The following LRP2BP variants were observed in gnomAD, a reference collection of about 807,000 sequenced individuals.
The protein encoded by LRP2BP is LRP2-binding protein.
In LRP2BP, 38 loss-of-function variants were observed where a neutral mutation model predicts 45.2. The observed-to-expected ratio is 0.84, with a 90% CI of 0.65 to 1.10. LRP2BP has a LOEUF of 1.10. Among genes scored for constraint, LRP2BP ranks in the 50% least tolerant of loss-of-function variants. The pLI, the probability that LRP2BP is intolerant of heterozygous loss-of-function variation, is 0.00. For synonymous variants in LRP2BP, 153 were observed against 153.9 expected, an observed-to-expected ratio of 0.99 and a Z score of 0.04; for missense variants, 385 against 418.9, an observed-to-expected ratio of 0.92 and a Z score of 0.71.
rs2095435197 is a variant in LRP2BP, at chr4:185,375,732, A to G, written c.217-6T>C. 1 of 1,541,956 alleles carries G rather than the reference A, an allele frequency of 6.5e-7. No homozygotes were observed. Among genetic ancestry groups the G allele is most frequent in the African/African-American group, 1.4e-5 (1 of 72,818 alleles). ...AATGCTTCTTCATACCATCCCTAGA[A>G]GCACCCAGAAGATATTTAATTATTT... On this transcript the variant is annotated splice_polypyrimidine_tract_variant and splice_region_variant and intron_variant, in intron 3 of 8. Transcript: ENST00000505916.
intron 2 of LRP2BP, 71 bp downstream of exon 2, chr4:185,378,010 C>G (rs117912453): frequency 1.7e-6 from 2 of 1,206,004 alleles, no homozygotes; most frequent in East Asian, 2.4e-5. Context: ...TTTCTTGTCT[C>G]GTTTGCTCTA....
At chr4:185,383,576 A>G (rs921587033) in intron 1 of LRP2BP, among the ~76,000 whole-genome samples, 6 of 152,222 alleles carry the variant, frequency 3.9e-5, no homozygotes, top group Admixed American at 3.3e-4. Flanking sequence ...GGCAGGCCCG[A>G]GGCTGCCATC....
chr4:185,387,032 G>A (rs1242332236), intron 1 of LRP2BP, among the ~76,000 whole-genome samples: 2 of 152,226 alleles, frequency 1.3e-5, no homozygotes. Context: ...GATCACCTGA[G>A]GTTAGGAGTT....
chr4:185,378,250 C>G, intron 1 of LRP2BP, 43 bp from the exon 2 acceptor site: 1 of 1,600,524 alleles, frequency 6.2e-7, no homozygotes, highest in Non-Finnish European at 8.5e-7. Flanking sequence ...ATTTCTTCCT[C>G]CAGCGAAGTG....
Position 185,365,181 on chromosome 4 carries a change from G to C in LRP2BP, c.*1999C>G, listed in dbSNP as rs928910049. 1 of 150,750 alleles carries C rather than the reference G, an allele frequency of 6.6e-6. No individual in the cohort carries two copies. The highest frequency in any genetic ancestry group is 6.6e-5 in the Admixed American group (1 of 15,234). 9.3% of individuals were successfully genotyped at this position (150,750 alleles called of 1,614,324 possible). A position where few individuals can be genotyped will look rare whatever the true frequency, so the allele number is the denominator to read the frequency against. On this transcript the variant is annotated 3_prime_UTR_variant, in exon 9 of 9. Transcript: ENST00000505916. ...CAGAGCATTAGCTTTATGGTAACTA[G>C]AGTAAACTGAAATTTTAAATTCTGC... is the stretch of plus-strand genomic sequence containing the variant.
upstream of LRP2BP, chr4:185,396,598 G>T: frequency 5.7e-6 from 2 of 350,932 alleles, no homozygotes; most frequent in Non-Finnish European, 1.0e-5. Flanking sequence ...CGAGGTGGGA[G>T]GGCCTGACGC....
intron 1 of LRP2BP, among the ~76,000 whole-genome samples, chr4:185,383,547 TG>T (rs2095461739): frequency 1.3e-5 from 2 of 152,232 alleles, no homozygotes; most frequent in East Asian, 3.8e-4. Flanking sequence ...TGTGTGCCTG[TG>T]CAGAAAACAG....
At chr4:185,396,833 G>T, upstream of LRP2BP, 1 of 1,397,870 alleles carries the variant, frequency 7.2e-7, no homozygotes, top group Non-Finnish European at 1.0e-6. Flanking sequence ...CCGTGCTAGG[G>T]CCAGCCTGCG....
rs138130777 is a variant in LRP2BP at position 185,389,766 on chromosome 4, G to C, written c.-22+5013C>G. Reference sequence around the variant, plus strand: ...CAGTCCTTACCTTCTTTAAGTGAAAGAAACACTGTACAGTAAACACATTTG... The same window carrying C: ...CAGTCCTTACCTTCTTTAAGTGAAACAAACACTGTACAGTAAACACATTTG... On this transcript the variant is annotated intron_variant, in intron 1 of 8. Coordinates refer to ENST00000505916, the MANE Select transcript of LRP2BP (RefSeq NM_001377440.1). 4.6e-3 allele frequency among the ~76,000 whole-genome samples: 694 copies of C among 152,248 alleles called. 6 individuals carry two copies. The highest frequency in any genetic ancestry group is 0.015 in the African/African-American group (637 of 41,540).
chr4:185,367,010 A>G lies in LRP2BP; in HGVS notation c.*170T>C, dbSNP rs2095390230. 1 of 603,978 alleles carries G rather than the reference A, an allele frequency of 1.7e-6. No homozygotes were observed. The highest frequency in any genetic ancestry group is 2.9e-6 in the Non-Finnish European group (1 of 347,876). The allele number at this position is 603,978 out of a possible 1,614,324, so 37.4% of individuals were successfully genotyped here. A position where few individuals can be genotyped will look rare whatever the true frequency, so the allele number is the denominator to read the frequency against. On this transcript the variant is annotated 3_prime_UTR_variant, in exon 9 of 9. Coordinates refer to ENST00000505916, the MANE Select transcript of LRP2BP (RefSeq NM_001377440.1). ...AATTTGACCTTGTGTCTAGGTTTCAAGTTGCAAAACTTAACAGCGTACGAA... is the reference window on the plus strand; with the variant it reads ...AATTTGACCTTGTGTCTAGGTTTCAGGTTGCAAAACTTAACAGCGTACGAA...
chr4:185,373,466 C>G (rs766872965), intron 6 of LRP2BP, among the ~76,000 whole-genome samples: 1 of 152,134 alleles, frequency 6.6e-6, no homozygotes, highest in Non-Finnish European at 1.5e-5. Context: ...TTCGAGCTCC[C>G]GGTGGATTCT....
At chr4:185,382,122 A>G (rs1478029931) in intron 1 of LRP2BP, among the ~76,000 whole-genome samples, 1 of 152,184 alleles carries the variant, frequency 6.6e-6, no homozygotes, top group African/African-American at 2.4e-5. Flanking sequence ...GAATCATAGA[A>G]TATGTGGCCT....
intron 3 of LRP2BP, among the ~76,000 whole-genome samples, chr4:185,376,262 G>T (rs1485136364): frequency 1.3e-5 from 2 of 152,074 alleles, no homozygotes; most frequent in Non-Finnish European, 2.9e-5. Flanking sequence ...TTATTAATAT[G>T]AAGATACCTG....
At chr4:185,374,054 C>T (rs1481762329) in intron 6 of LRP2BP, 81 bp downstream of exon 6, 2 of 1,138,770 alleles carry the variant, frequency 1.8e-6, no homozygotes, top group Non-Finnish European at 2.6e-6. Context: ...AAACGACATT[C>T]CCCACCATTT....
chr4:185,366,136 A>C lies in LRP2BP; in HGVS notation c.*1044T>G, dbSNP rs1009073184. The stretch of plus-strand genomic sequence containing the variant: ...TCTGAGACCTGTCTTCGATATGTAT[A>C]TTTGTTTCACAAATGAATAGCCTTG... On this transcript the variant is annotated 3_prime_UTR_variant, in exon 9 of 9. Coordinates refer to ENST00000505916, the MANE Select transcript of LRP2BP (RefSeq NM_001377440.1). 6.6e-6 allele frequency: 1 copy of C among 152,222 alleles called. No individual in the cohort carries two copies. Among genetic ancestry groups the C allele is most frequent in the African/African-American group, 2.4e-5 (1 of 41,460 alleles). 9.4% of individuals were successfully genotyped at this position (152,222 alleles called of 1,614,324 possible).
At chr4:185,387,590 CAAGT>C (rs1351582310) in intron 1 of LRP2BP, among the ~76,000 whole-genome samples, 2 of 152,146 alleles carry the variant, frequency 1.3e-5, no homozygotes, top group Non-Finnish European at 2.9e-5. Context: ...TTTTGAATTG[CAAGT>C]AAGAGACTGT....
intron 1 of LRP2BP, among the ~76,000 whole-genome samples, chr4:185,392,469 GAGAAAGAATTTCTTTGTAAGAAATTC>G (rs907982616): frequency 6.6e-5 from 10 of 152,072 alleles, no homozygotes; most frequent in Non-Finnish European, 1.3e-4. Context: ...TTATGTTAAA[GAGAAAGAATTTCTTTGTAAGAAATTC>G]TTCCGTTTTT....
In LRP2BP at chr4:185,378,099, A is replaced by C. The variant is rs562642641; in HGVS notation, c.88T>G (p.Trp30Gly). ...TTTGTACCAGTCTTTTCCTTTTTCC[A>C]CTGGAAAAATTTTTGGTTTTTAGCA... The part of the protein sequence containing the change: ...YAAKNQKFFQ[W>G]KKEKTDYTHA... The change falls in exon 2 of 9, where the codon TGG becomes GGG. Residue 30 changes from tryptophan (W) to glycine (G), a missense_variant. Trp to Gly is a radical substitution (Grantham distance 184). Transcript: ENST00000505916. 1 of 1,613,452 alleles carries C rather than the reference A, an allele frequency of 6.2e-7. No individual in the cohort carries two copies. Among genetic ancestry groups the C allele is most frequent in the South Asian group, 1.1e-5 (1 of 90,920 alleles).
Position 185,373,040 on chromosome 4 carries a change from G to T in LRP2BP, c.619C>A (p.Leu207Met), listed in dbSNP as rs368547805. ...WHSEACGNGNLESQGALGLMY... is the reference protein window; with the variant it reads ...WHSEACGNGNMESQGALGLMY... Reference sequence around the variant, plus strand: ...AGCCCAAGTGCACCCTGGGACTCCAGATTCCCATTGCCACATGCTTCGGAA... The same window carrying T: ...AGCCCAAGTGCACCCTGGGACTCCATATTCCCATTGCCACATGCTTCGGAA... Residue 207 changes from leucine to methionine, a missense_variant, in exon 7 of 9, where the codon CTG becomes ATG. Physicochemically the swap from Leu to Met is conservative, Grantham distance 15 (BLOSUM62 2). Coordinates refer to ENST00000505916, the MANE Select transcript of LRP2BP (RefSeq NM_001377440.1). 114 of 1,611,708 alleles carry T rather than the reference G, an allele frequency of 7.1e-5. No homozygotes were observed. The highest frequency in any genetic ancestry group is 9.9e-5 in the South Asian group (9 of 91,024).
Sources: allele counts gnomAD v4.1 joint callset (sites outside exome capture counted in the v4.1 genomes callset), GRCh38; gene constraint gnomAD v4.1.1; transcripts MANE v1.5; gene names NCBI Gene and HGNC (gene_info 2026-07-23, HGNC 2026-07-21).